Variants in GRID2 observed in about 807,000 individuals in gnomAD.
GRID2 encodes glutamate receptor ionotropic, delta-2.
A neutral mutation model predicts 114.8 loss-of-function variants in GRID2; 33 were observed. The ratio of observed to expected loss-of-function variants is 0.29; its 90% CI spans 0.22 to 0.38. The LOEUF is 0.38. Ranked by LOEUF, GRID2 falls within the 10% of genes least tolerant of loss-of-function variation. The pLI is 1.00. For missense variants in GRID2, 1,184 were observed against 1,257.7 expected (o/e 0.94, Z 0.89); for synonymous variants, 505 against 449.9 (o/e 1.12, Z -1.55).
intron 8 of GRID2, among the ~76,000 whole-genome samples, chr4:93,245,197 C>T (rs1748062423): frequency 6.6e-6 from 1 of 151,994 alleles, no homozygotes; most frequent in Admixed American, 6.6e-5. Context: ...TAATGAATGG[C>T]ATATAATAGA....
intron 1 of GRID2, among the ~76,000 whole-genome samples, chr4:92,455,989 A>T (rs1721194146): frequency 6.6e-6 from 1 of 152,188 alleles, no homozygotes; most frequent in East Asian, 1.9e-4. Context: ...TGCTTATTTC[A>T]TATATTTGGA....
chr4:93,070,130 A>G (rs1483381726), intron 2 of GRID2, among the ~76,000 whole-genome samples: 1 of 152,148 alleles, frequency 6.6e-6, no homozygotes, highest in East Asian at 1.9e-4. Flanking sequence ...TTAAACTTGC[A>G]CAATACTACT....
chr4:93,387,141 C>G (rs376961143), intron 8 of GRID2, among the ~76,000 whole-genome samples: 57 of 152,012 alleles, frequency 3.7e-4, no homozygotes, highest in African/African-American at 1.0e-3. Context: ...GAGAAATCCT[C>G]CCAAAAGTTT....
At chr4:92,933,641 T>G (rs926145575) in intron 2 of GRID2, among the ~76,000 whole-genome samples, 3 of 151,574 alleles carry the variant, frequency 2.0e-5, no homozygotes, top group African/African-American at 7.3e-5. Flanking sequence ...TCACAAAGTT[T>G]CATAGTAGTT....
At chr4:93,676,399 G>A (rs1375431334) in intron 14 of GRID2, among the ~76,000 whole-genome samples, 2 of 152,168 alleles carry the variant, frequency 1.3e-5, no homozygotes, top group East Asian at 3.8e-4. Flanking sequence ...AGAAGATAGA[G>A]TAGCATAGCT....
chr4:93,386,823 C>G (rs772554151), intron 8 of GRID2, among the ~76,000 whole-genome samples: 4 of 152,128 alleles, frequency 2.6e-5, no homozygotes, highest in African/African-American at 9.7e-5. Context: ...ACCCACTCCT[C>G]CCAACAAGCA....
intron 14 of GRID2, among the ~76,000 whole-genome samples, chr4:93,758,618 A>G (rs949957654): frequency 1.3e-5 from 2 of 152,224 alleles, no homozygotes; most frequent in Non-Finnish European, 2.9e-5. Flanking sequence ...TCAAAGCTGC[A>G]TATCACAATC....
rs1412506026 is a variant in GRID2 at position 93,772,948 on chromosome 4, T to C, written c.*450T>C. On this transcript the variant is annotated 3_prime_UTR_variant, in exon 16 of 16. Coordinates refer to ENST00000282020, the MANE Select transcript of GRID2 (RefSeq NM_001510.4). ...GCATCCATACAATGCTCCACTGCTG[T>C]TGAGTGTCCTTTAACTGTGGACCAA... The C allele has an allele frequency of 1.3e-5, 2 of 154,930 alleles. No individual in the cohort carries two copies. The highest frequency in any genetic ancestry group is 4.8e-5 in the African/African-American group (2 of 41,498). The allele number at this position is 154,930 out of a possible 1,614,324, so 9.6% of individuals were successfully genotyped here. A position where few individuals can be genotyped will look rare whatever the true frequency, so the allele number is the denominator to read the frequency against.
chr4:93,222,227 T>C (rs1744963766), intron 6 of GRID2, among the ~76,000 whole-genome samples: 1 of 152,040 alleles, frequency 6.6e-6, no homozygotes, highest in Non-Finnish European at 1.5e-5. Context: ...AAAAGGTAGA[T>C]TTAAAAAAGA....
chr4:92,980,920 A>G lies in GRID2; in HGVS notation c.245-104075A>G, dbSNP rs1289802927. ...GCCACACAAACAAAACACTGTTCCC[A>G]CATTGTTTCACTTACTTTCCATGGC... On this transcript the variant is annotated intron_variant, in intron 2 of 15. Coordinates refer to ENST00000282020, the MANE Select transcript of GRID2 (RefSeq NM_001510.4). Among the ~76,000 whole-genome samples, 3 of 152,098 alleles carry G rather than the reference A, an allele frequency of 2.0e-5. No homozygotes were observed. The East Asian group carries it at 5.8e-4, about 29-fold the overall frequency.
chr4:93,139,591 C>T (rs1278591124), intron 4 of GRID2, among the ~76,000 whole-genome samples: 3 of 152,182 alleles, frequency 2.0e-5, no homozygotes, highest in Non-Finnish European at 4.4e-5. Flanking sequence ...ATCGTAATCA[C>T]CTTTTCTTGG....
chr4:93,757,024 C>T (rs1732806405), intron 14 of GRID2, among the ~76,000 whole-genome samples: 1 of 152,130 alleles, frequency 6.6e-6, no homozygotes, highest in African/African-American at 2.4e-5. Flanking sequence ...GGGCAGTTCT[C>T]AGGAACATTT....
intron 11 of GRID2, among the ~76,000 whole-genome samples, chr4:93,465,441 C>T (rs185066674): frequency 2.6e-5 from 4 of 152,292 alleles, no homozygotes; most frequent in Admixed American, 6.5e-5. Context: ...AGAGACAGCT[C>T]AGTTTACAAT....
intron 2 of GRID2, among the ~76,000 whole-genome samples, chr4:93,058,482 C>A (rs1727469720): frequency 6.6e-6 from 1 of 151,866 alleles, no homozygotes; most frequent in East Asian, 1.9e-4. Flanking sequence ...GGACTTAGTT[C>A]AACTACTAAG....
In GRID2 at chr4:92,898,925, T is replaced by C. The variant is rs758305056; in HGVS notation, c.245-186070T>C. Among the ~76,000 whole-genome samples the C allele has an allele frequency of 3.1e-3, 470 of 152,246 alleles. 9 individuals are homozygous for C. The highest frequency in any genetic ancestry group is 2.1e-3 in the Non-Finnish European group (140 of 67,970). ...TTAAAAAATTAATAGTAACAATAAC[T>C]TTAATTTTGTATAGACTTTTCCAAT... On this transcript the variant is annotated intron_variant, in intron 2 of 15. Coordinates refer to ENST00000282020, the MANE Select transcript of GRID2 (RefSeq NM_001510.4).
chr4:92,595,213 A>G (rs1728889373), intron 2 of GRID2, among the ~76,000 whole-genome samples: 1 of 151,998 alleles, frequency 6.6e-6, no homozygotes, highest in South Asian at 2.1e-4. Context: ...ATTAAACTAT[A>G]ATACTTTTTT....
At chr4:92,868,979 T>C (rs145217777) in intron 2 of GRID2, among the ~76,000 whole-genome samples, 11 of 152,324 alleles carry the variant, frequency 7.2e-5, no homozygotes, top group African/African-American at 2.4e-4. Context: ...CTATGACATC[T>C]AAATTACATA....
At chr4:93,126,510 T>C (rs947980604) in intron 4 of GRID2, among the ~76,000 whole-genome samples, 1 of 150,510 alleles carries the variant, frequency 6.6e-6, no homozygotes, top group Non-Finnish European at 1.5e-5. Flanking sequence ...CTAGTAGATG[T>C]CAATAATACC....
At chr4:92,709,130 A>G (rs1735092951) in intron 2 of GRID2, among the ~76,000 whole-genome samples, 1 of 152,156 alleles carries the variant, frequency 6.6e-6, no homozygotes, top group Non-Finnish European at 1.5e-5. Flanking sequence ...AAGCTAGAGA[A>G]AAAACAAATT....
Sources: gnomAD v4.1 joint callset for allele counts (sites outside exome capture counted in the v4.1 genomes callset) on GRCh38, gnomAD v4.1.1 for gene constraint, MANE v1.5 for transcripts, NCBI Gene and HGNC (gene_info 2026-07-23, HGNC 2026-07-21) for gene names.